LRP1B: variants seen among roughly 807,000 people sequenced by gnomAD.
LRP1B encodes the protein LDL receptor related protein 1B.
Under a neutral mutation model 556.6 loss-of-function variants are expected in LRP1B, and 217 were observed. The observed-to-expected ratio is 0.39, with a 90% CI of 0.35 to 0.44. The LOEUF (loss-of-function observed/expected upper bound fraction) is 0.44. LRP1B is among the 20% of genes least tolerant of loss of function. The pLI is 1.00. For synonymous variants in LRP1B, 2,047 were observed against 1,865.8 expected (o/e 1.10, Z -2.50); for missense variants, 5,053 against 5,620.8 (o/e 0.90, Z 3.23).
At chr2:141,418,274 G>T (rs1019175594) in intron 3 of LRP1B, among the ~76,000 whole-genome samples, 2 of 151,928 alleles carry the variant, frequency 1.3e-5, no homozygotes, top group African/African-American at 4.8e-5. Flanking sequence ...TGCTTTTGTT[G>T]CCTGTGCTTT....
At chr2:142,037,879 A>G (rs1394659625) in intron 1 of LRP1B, among the ~76,000 whole-genome samples, 1 of 151,560 alleles carries the variant, frequency 6.6e-6, no homozygotes, top group African/African-American at 2.4e-5. Context: ...GCAGAAATGT[A>G]GAGTGGCCTC....
chr2:141,958,762 T>C (rs1220913542), intron 1 of LRP1B, among the ~76,000 whole-genome samples: 4 of 152,026 alleles, frequency 2.6e-5, no homozygotes, highest in Admixed American at 6.6e-5. Flanking sequence ...CTTGCTGTTA[T>C]ATCTGAATGT....
intron 3 of LRP1B, among the ~76,000 whole-genome samples, chr2:141,264,944 C>G (rs1014701694): frequency 1.3e-5 from 2 of 152,236 alleles, no homozygotes; most frequent in East Asian, 1.9e-4. Flanking sequence ...CAGGCAGGGC[C>G]GGAGCCCCAG....
At chr2:141,843,764 T>C (rs1229865613) in intron 1 of LRP1B, among the ~76,000 whole-genome samples, 2 of 152,160 alleles carry the variant, frequency 1.3e-5, no homozygotes, top group African/African-American at 4.8e-5. Context: ...CTACAAATTA[T>C]TGCACAGGGC....
At chr2:141,744,545 T>C (rs1291861394) in intron 2 of LRP1B, among the ~76,000 whole-genome samples, 1 of 152,174 alleles carries the variant, frequency 6.6e-6, no homozygotes, top group Non-Finnish European at 1.5e-5. Flanking sequence ...TTTGCTGATT[T>C]TCTCTCTGGA....
At chr2:140,621,109 T>C (rs2105250789) in intron 41 of LRP1B, among the ~76,000 whole-genome samples, 2 of 151,930 alleles carry the variant, frequency 1.3e-5, no homozygotes, top group Admixed American at 1.3e-4. Context: ...GGGCCAGGTG[T>C]GGTGGCTCAC....
At position 140,350,903 on chromosome 2, in the gene LRP1B, T is replaced by A. The variant is rs184817280; in HGVS notation, c.11786A>T (p.Tyr3929Phe). ...CCAAATAATCATATCTCTTTGATAA[T>A]ATACATCCATCCCTGTTATTCTTGA... ...HNSRITGMDV[Y>F]YQRDMIIWST... The change falls in exon 77 of 91, where the codon TAT (tyrosine) becomes TTT (phenylalanine). Residue 3929 changes from tyrosine (Y) to phenylalanine (F), a missense_variant. Physicochemically the swap from Tyr to Phe is conservative, Grantham distance 22 (BLOSUM62 3). Coordinates refer to ENST00000389484, the MANE Select transcript of LRP1B (RefSeq NM_018557.3). The A allele has an allele frequency of 1.9e-6, 3 of 1,611,350 alleles. No individual in the cohort carries two copies. In the East Asian group the frequency reaches 6.7e-5, roughly 36 times the overall value.
intron 6 of LRP1B, among the ~76,000 whole-genome samples, chr2:141,205,805 T>G (rs1450282063): frequency 6.6e-6 from 1 of 152,184 alleles, no homozygotes; most frequent in Non-Finnish European, 1.5e-5. Flanking sequence ...CAACTAAATA[T>G]CTCCCTTTGA....
intron 83 of LRP1B, among the ~76,000 whole-genome samples, chr2:140,304,014 A>G (rs2105013564): frequency 6.6e-6 from 1 of 152,320 alleles, no homozygotes; most frequent in South Asian, 2.1e-4. Context: ...GCTGCATAGT[A>G]TTCCATAGTG....
At chr2:140,855,011 T>C (rs1692570837) in intron 27 of LRP1B, among the ~76,000 whole-genome samples, 1 of 152,180 alleles carries the variant, frequency 6.6e-6, no homozygotes, top group South Asian at 2.1e-4. Flanking sequence ...TGATAGCTCA[T>C]ATTGTCTAAA....
At chr2:141,066,673 T>C (rs1382122525) in intron 7 of LRP1B, among the ~76,000 whole-genome samples, 2 of 152,106 alleles carry the variant, frequency 1.3e-5, no homozygotes, top group East Asian at 3.9e-4. Context: ...TCAGTCCCCG[T>C]CCTTAACTCT....
intron 1 of LRP1B, among the ~76,000 whole-genome samples, chr2:142,046,829 GT>G (rs1704277005): frequency 6.6e-6 from 1 of 151,846 alleles, no homozygotes; most frequent in Non-Finnish European, 1.5e-5. Flanking sequence ...TTGTCTTTTA[GT>G]TTTTTTCTGC....
chr2:141,171,692 G>A (rs1024671798), intron 7 of LRP1B, among the ~76,000 whole-genome samples: 4 of 151,912 alleles, frequency 2.6e-5, no homozygotes, highest in Non-Finnish European at 5.9e-5. Flanking sequence ...TGTAGGCTGT[G>A]GAGTGACATG....
chr2:140,477,746 T>C (rs931424116), intron 59 of LRP1B, among the ~76,000 whole-genome samples: 1 of 152,200 alleles, frequency 6.6e-6, no homozygotes, highest in Non-Finnish European at 1.5e-5. Context: ...AAAAAGCATA[T>C]TATTTTCATG....
chr2:141,928,608 A>G (rs773986441), intron 1 of LRP1B, among the ~76,000 whole-genome samples: 5 of 152,168 alleles, frequency 3.3e-5, no homozygotes, highest in Non-Finnish European at 7.4e-5. Context: ...ATCTGATGGC[A>G]GAACCATATC....
At chr2:141,302,234 A>G (rs1686422272) in intron 3 of LRP1B, among the ~76,000 whole-genome samples, 1 of 152,058 alleles carries the variant, frequency 6.6e-6, no homozygotes, top group South Asian at 2.1e-4. Flanking sequence ...AAATATATAA[A>G]TAATAGCAAT....
chr2:140,321,174 G>A (rs1012830939), intron 82 of LRP1B, among the ~76,000 whole-genome samples: 3 of 151,998 alleles, frequency 2.0e-5, no homozygotes, highest in African/African-American at 7.2e-5. Flanking sequence ...CTTATTTATT[G>A]TCAGTCTAGC....
chr2:141,188,703 T>C, intron 6 of LRP1B, 120 bp from the exon 7 acceptor site: 1 of 819,662 alleles, frequency 1.2e-6, no homozygotes, highest in Non-Finnish European at 1.9e-6. Flanking sequence ...GACATTTTTA[T>C]GAAAAGAAAC....
At chr2:140,692,203 A>T (rs1260810720) in intron 41 of LRP1B, among the ~76,000 whole-genome samples, 1 of 152,152 alleles carries the variant, frequency 6.6e-6, no homozygotes, top group Non-Finnish European at 1.5e-5. Flanking sequence ...TTCAAAAACA[A>T]TATGTTGTAT....
Sources: allele counts gnomAD v4.1 joint callset (sites outside exome capture counted in the v4.1 genomes callset), GRCh38; gene constraint gnomAD v4.1.1; transcripts MANE v1.5; gene names NCBI Gene and HGNC (gene_info 2026-07-23, HGNC 2026-07-21).